Variants in SPCS3 observed in about 807,000 individuals in gnomAD.
The protein encoded by SPCS3 is signal peptidase complex subunit 3, also known as SPase 22 kDa subunit.
Under a neutral mutation model 17.2 loss-of-function variants are expected in SPCS3, and 9 were observed. That is an observed-to-expected ratio of 0.52 (90% CI 0.31 to 0.91). SPCS3 has a LOEUF of 0.91. Ranked by LOEUF, SPCS3 falls within the 40% of genes least tolerant of loss-of-function variation. The probability of loss-of-function intolerance (pLI) is 0.04; values close to 1 mark genes in which losing one functional copy is unlikely to be tolerated. For missense variants in SPCS3, 139 were observed against 217.5 expected (o/e 0.64, Z 2.27); for synonymous variants, 87 against 89.6 (o/e 0.97, Z 0.16).
rs141379995 is a variant in SPCS3, at chr4:176,328,501, A to G, written c.*171A>G. 7.5e-4 allele frequency: 311 copies of G among 414,662 alleles called. 3 individuals carry two copies. The East Asian group carries it at 0.013, about 17-fold the overall frequency. The allele number at this position is 414,662 out of a possible 1,614,324, so 25.7% of individuals were successfully genotyped here. A position where few individuals can be genotyped will look rare whatever the true frequency, so the allele number is the denominator to read the frequency against. ...AAGGCCTGTTTAAAGGGAAAGGTTA[A>G]TGGGCTACTTAATATTATGAACAAA... On this transcript the variant is annotated 3_prime_UTR_variant, in exon 5 of 5. Transcript: ENST00000503362.
rs1731549019 is a variant in SPCS3 at position 176,322,318 on chromosome 4, A to T, written c.217+75A>T. ...GATATGTGTTGTTTAATGATTTGGG[A>T]TACAGTGTGACTATCTCATTGAATC... On this transcript the variant is annotated intron_variant, in intron 2 of 4. Coordinates refer to ENST00000503362, the MANE Select transcript of SPCS3 (RefSeq NM_021928.4). The T allele has an allele frequency of 4.8e-6, 5 of 1,038,954 alleles. No homozygotes were observed. The African/African-American group carries it at 8.0e-5, about 17-fold the overall frequency. 64.4% of individuals were successfully genotyped at this position (1,038,954 alleles called of 1,614,324 possible). A position where few individuals can be genotyped will look rare whatever the true frequency, so the allele number is the denominator to read the frequency against.
chr4:176,324,909 G>C (rs1043408453), intron 3 of SPCS3, among the ~76,000 whole-genome samples: 4 of 152,010 alleles, frequency 2.6e-5, no homozygotes, highest in Admixed American at 2.6e-4. Context: ...AACCTAGATA[G>C]ATCTGATAAC....
rs965785631 is a variant in SPCS3, at chr4:176,332,062, T to G, written c.*3732T>G. On this transcript the variant is annotated 3_prime_UTR_variant, in exon 5 of 5. Coordinates refer to ENST00000503362, the MANE Select transcript of SPCS3 (RefSeq NM_021928.4). Reference sequence around the variant, plus strand: ...AGTCTAGTAGGTTTTTTCTTTTTTTTTGTGGGGGTGGGATGGGGGAGGTTA... The same window carrying G: ...AGTCTAGTAGGTTTTTTCTTTTTTTGTGTGGGGGTGGGATGGGGGAGGTTA... The G allele has an allele frequency of 1.3e-5, 2 of 152,294 alleles. No homozygotes were observed. The highest frequency in any genetic ancestry group is 2.4e-5 in the African/African-American group (1 of 41,456). The allele number at this position is 152,294 out of a possible 1,614,324, so 9.4% of individuals were successfully genotyped here.
At chr4:176,326,157 C>T (rs1040175447) in intron 3 of SPCS3, among the ~76,000 whole-genome samples, 1 of 151,858 alleles carries the variant, frequency 6.6e-6, no homozygotes, top group Non-Finnish European at 1.5e-5. Context: ...AAAAATTAGC[C>T]AGGCGTAGTG....
rs1384012907 is a variant in SPCS3, at chr4:176,328,594, G to T, written c.*264G>T. ...AATAAGAACTACATAAAACAGATTT[G>T]TAAAAAATACATATTTGAAGTATTC... On this transcript the variant is annotated 3_prime_UTR_variant, in exon 5 of 5. Transcript: ENST00000503362. 2 of 205,012 alleles carry T rather than the reference G, an allele frequency of 9.8e-6. No individual in the cohort carries two copies. Among genetic ancestry groups the T allele is most frequent in the Admixed American group, 1.2e-4 (2 of 17,006 alleles). The allele number at this position is 205,012 out of a possible 1,614,324, so 12.7% of individuals were successfully genotyped here.
At chr4:176,322,988 A>G (rs996969015) in intron 2 of SPCS3, among the ~76,000 whole-genome samples, 2 of 152,100 alleles carry the variant, frequency 1.3e-5, no homozygotes, top group African/African-American at 4.8e-5. Flanking sequence ...AGATTGAACG[A>G]TCTGAACTTG....
intron 4 of SPCS3, among the ~76,000 whole-genome samples, chr4:176,327,911 T>G (rs1485317030): frequency 6.6e-6 from 1 of 152,228 alleles, no homozygotes; most frequent in Non-Finnish European, 1.5e-5. Context: ...CTTTTTACAT[T>G]TACTGTTTTA....
chr4:176,324,110 C>T (rs1267461130), intron 2 of SPCS3, 71 bp from the exon 3 acceptor site: 1 of 791,030 alleles, frequency 1.3e-6, no homozygotes, highest in Non-Finnish European at 1.8e-6. Flanking sequence ...GATAAATAAC[C>T]TAAGAATAAT....
chr4:176,326,282 C>G (rs1178937805), intron 3 of SPCS3, among the ~76,000 whole-genome samples: 6 of 151,744 alleles, frequency 4.0e-5, no homozygotes, highest in African/African-American at 1.5e-4. Flanking sequence ...CCCTGGTTGA[C>G]AGAGCAAGAC....
rs1731694052 is a variant in SPCS3 at position 176,331,983 on chromosome 4, AG to A, written c.*3654del. On this transcript the variant is annotated 3_prime_UTR_variant, in exon 5 of 5. Coordinates refer to ENST00000503362, the MANE Select transcript of SPCS3 (RefSeq NM_021928.4). ...AAAGTATGCATTTTAAAAGACTTTC[AG>A]ATTTATGCTTTTTACGTGAAGCTGC... is the stretch of plus-strand genomic sequence containing the variant. The A allele has an allele frequency of 6.6e-6, 1 of 152,252 alleles. No individual in the cohort carries two copies. The highest frequency in any genetic ancestry group is 6.5e-5 in the Admixed American group (1 of 15,288). The allele number at this position is 152,252 out of a possible 1,614,324, so 9.4% of individuals were successfully genotyped here.
At chr4:176,326,304 A>G (rs1033788985) in intron 3 of SPCS3, among the ~76,000 whole-genome samples, 1 of 152,094 alleles carries the variant, frequency 6.6e-6, no homozygotes, top group Non-Finnish European at 1.5e-5. Context: ...CTATCTCCAA[A>G]AAAAAAAGGA....
rs1306394056 is a variant in SPCS3 at position 176,329,498 on chromosome 4, C to T, written c.*1168C>T. 6.6e-6 allele frequency: 1 copy of T among 152,076 alleles called. No homozygotes were observed. Among genetic ancestry groups the T allele is most frequent in the Non-Finnish European group, 1.5e-5 (1 of 67,980 alleles). 9.4% of individuals were successfully genotyped at this position (152,076 alleles called of 1,614,324 possible). On this transcript the variant is annotated 3_prime_UTR_variant, in exon 5 of 5. Coordinates refer to ENST00000503362, the MANE Select transcript of SPCS3 (RefSeq NM_021928.4). ...TGTTACCCTGGACACCCTTTCTATT[C>T]TAGAAAAGGTTTCCCATTTTATATG...
At chr4:176,323,477 T>A (rs1731563708) in intron 2 of SPCS3, among the ~76,000 whole-genome samples, 1 of 152,200 alleles carries the variant, frequency 6.6e-6, no homozygotes, top group Non-Finnish European at 1.5e-5. Flanking sequence ...AATAATGGAA[T>A]GTAACAAATG....
At chr4:176,322,907 G>GC (rs1731557058) in intron 2 of SPCS3, among the ~76,000 whole-genome samples, 1 of 151,944 alleles carries the variant, frequency 6.6e-6, no homozygotes, top group Non-Finnish European at 1.5e-5. Flanking sequence ...TAATATCTTG[G>GC]CAATGTTCTC....
intron 3 of SPCS3, 110 bp from the exon 4 acceptor site, chr4:176,327,052 C>T: frequency 1.6e-6 from 1 of 642,076 alleles, no homozygotes; most frequent in Non-Finnish European, 2.6e-6. Flanking sequence ...GCAAGCTCCT[C>T]AAGTTGAATT....
intron 1 of SPCS3, 88 bp from the exon 2 acceptor site, chr4:176,322,082 A>G (rs900797569): frequency 1.2e-6 from 1 of 800,220 alleles, no homozygotes; most frequent in East Asian, 2.6e-5. Context: ...TCACCTATGC[A>G]CACACCTGTA....
At chr4:176,323,813 G>C (rs1414337310) in intron 2 of SPCS3, among the ~76,000 whole-genome samples, 2 of 150,454 alleles carry the variant, frequency 1.3e-5, no homozygotes, top group Non-Finnish European at 3.0e-5. Context: ...TAGAGCTCCA[G>C]TGGAATTGTA....
Position 176,328,377 on chromosome 4 carries a change from A to G in SPCS3, c.*47A>G, listed in dbSNP as rs369185461. 3.5e-6 allele frequency: 5 copies of G among 1,414,440 alleles called. No individual in the cohort carries two copies. The highest frequency in any genetic ancestry group is 1.5e-5 in the African/African-American group (1 of 66,940). 87.6% of individuals were successfully genotyped at this position (1,414,440 alleles called of 1,614,324 possible). ...CATATTTTTATACTTAATGAATTGT[A>G]TCTCATTAATCTCTTCCCTTACATC... On this transcript the variant is annotated 3_prime_UTR_variant, in exon 5 of 5. Coordinates refer to ENST00000503362, the MANE Select transcript of SPCS3 (RefSeq NM_021928.4).
At position 176,327,273 on chromosome 4, in the gene SPCS3, C is replaced by T. The variant is rs1280351513; in HGVS notation, c.406C>T (p.Leu136Phe). 6.5e-7 allele frequency: 1 copy of T among 1,530,490 alleles called. No individual in the cohort carries two copies. Among genetic ancestry groups the T allele is most frequent in the Non-Finnish European group, 8.8e-7 (1 of 1,135,324 alleles). The allele number at this position is 1,530,490 out of a possible 1,614,324, so 94.8% of individuals were successfully genotyped here. A position where few individuals can be genotyped will look rare whatever the true frequency, so the allele number is the denominator to read the frequency against. ...TTTTTTCTTTGACGATGGAAATGGT[C>T]TCAAGTGAGCAATTCTTGGTCATTT... ...KYFFFDDGNG[L>F]KGNRNVTLTL... Residue 136 changes from leucine (L) to phenylalanine (F), a missense_variant, in exon 4 of 5, where the codon CTC (leucine) becomes TTC (phenylalanine). Coordinates refer to ENST00000503362, the MANE Select transcript of SPCS3 (RefSeq NM_021928.4).
Sources: allele counts gnomAD v4.1 joint callset (sites outside exome capture counted in the v4.1 genomes callset), GRCh38; gene constraint gnomAD v4.1.1; transcripts MANE v1.5; gene names NCBI Gene and HGNC (gene_info 2026-07-23, HGNC 2026-07-21).